The following ARHGAP15 variants were observed in gnomAD, a reference collection of about 807,000 sequenced individuals.
The protein encoded by ARHGAP15 is rho GTPase-activating protein 15.
Under a neutral mutation model 63.7 loss-of-function variants are expected in ARHGAP15, and 51 were observed. The observed-to-expected ratio is 0.80, with a 90% CI of 0.64 to 1.01. ARHGAP15 has a LOEUF of 1.01. Among genes scored for constraint, ARHGAP15 ranks in the 50% least tolerant of loss-of-function variants. ARHGAP15 has a pLI of 0.00. For synonymous variants in ARHGAP15, 191 were observed against 193.8 expected (o/e 0.99, Z 0.12); for missense variants, 560 against 564.6 (o/e 0.99, Z 0.08).
intron 6 of ARHGAP15, among the ~76,000 whole-genome samples, chr2:143,387,157 G>C (rs1306311180): frequency 6.6e-6 from 1 of 151,720 alleles, no homozygotes; most frequent in Non-Finnish European, 1.5e-5. Flanking sequence ...TAAACTAAAA[G>C]TTAAAAAAAT....
In ARHGAP15 at chr2:143,278,019, TTA is replaced by T. The variant is rs1337120769; in HGVS notation, c.474+27423_474+27424del. ...TCCCTCCAGGTTGTATTTGTTACAT[TTA>T]TATTTTTTAAAATCCCATATTTATA... On this transcript the variant is annotated intron_variant, in intron 6 of 13. Transcript: ENST00000295095. Among the ~76,000 whole-genome samples the T allele has an allele frequency of 4.6e-5, 7 of 152,302 alleles. No individual in the cohort carries two copies. In the East Asian group the frequency reaches 1.4e-3, roughly 29 times the overall value.
At chr2:143,729,323 C>A (rs1685427421) in intron 13 of ARHGAP15, among the ~76,000 whole-genome samples, 1 of 152,176 alleles carries the variant, frequency 6.6e-6, no homozygotes, top group South Asian at 2.1e-4. Context: ...ATCAATCAGG[C>A]TCTGCTTGTT....
At chr2:143,193,183 T>A (rs1691745612) in intron 2 of ARHGAP15, among the ~76,000 whole-genome samples, 1 of 152,050 alleles carries the variant, frequency 6.6e-6, no homozygotes, top group African/African-American at 2.4e-5. Context: ...AGAAAAAAAA[T>A]TGTCACTTGT....
At chr2:143,627,480 C>T (rs936492479) in intron 12 of ARHGAP15, among the ~76,000 whole-genome samples, 16 of 152,050 alleles carry the variant, frequency 1.1e-4, no homozygotes, top group Non-Finnish European at 1.8e-4. Flanking sequence ...ATGGTAAAAA[C>T]CACACCAGAG....
intron 8 of ARHGAP15, among the ~76,000 whole-genome samples, chr2:143,462,959 A>G (rs1036963557): frequency 1.1e-4 from 17 of 152,178 alleles, no homozygotes; most frequent in Admixed American, 2.0e-4. Flanking sequence ...CTTAGGGAAT[A>G]TCTAAACCAG....
chr2:143,386,250 G>GT (rs1485709272), intron 6 of ARHGAP15, among the ~76,000 whole-genome samples: 1 of 151,962 alleles, frequency 6.6e-6, no homozygotes, highest in African/African-American at 2.4e-5. Context: ...ATGGCCATGG[G>GT]TTTTTCCAAG....
intron 6 of ARHGAP15, among the ~76,000 whole-genome samples, chr2:143,310,871 T>C (rs566448679): frequency 7.9e-5 from 12 of 152,142 alleles, no homozygotes; most frequent in African/African-American, 2.9e-4. Flanking sequence ...GGATATAGAA[T>C]TTTGGAACTA....
chr2:143,574,889 G>C (rs1161814732), intron 11 of ARHGAP15, among the ~76,000 whole-genome samples: 1 of 152,120 alleles, frequency 6.6e-6, no homozygotes, highest in South Asian at 2.1e-4. Flanking sequence ...GATAAAATGT[G>C]TTACCTTACG....
intron 6 of ARHGAP15, among the ~76,000 whole-genome samples, chr2:143,322,492 T>C (rs1341891985): frequency 6.6e-6 from 1 of 152,212 alleles, no homozygotes; most frequent in Non-Finnish European, 1.5e-5. Flanking sequence ...AATGCCATGA[T>C]GGATTTCCTA....
intron 6 of ARHGAP15, among the ~76,000 whole-genome samples, chr2:143,250,810 T>C (rs1680122631): frequency 6.6e-6 from 1 of 152,078 alleles, no homozygotes; most frequent in Non-Finnish European, 1.5e-5. Flanking sequence ...ACAAAATGTA[T>C]GTTGCACGTT....
At chr2:143,613,839 C>T (rs1209838541) in intron 11 of ARHGAP15, among the ~76,000 whole-genome samples, 1 of 152,180 alleles carries the variant, frequency 6.6e-6, no homozygotes, top group Non-Finnish European at 1.5e-5. Context: ...CACACCACCC[C>T]TCTTCTATAC....
intron 5 of ARHGAP15, among the ~76,000 whole-genome samples, chr2:143,242,512 T>C (rs1290574152): frequency 2.6e-5 from 4 of 152,244 alleles, no homozygotes; most frequent in Non-Finnish European, 5.9e-5. Context: ...CAATAGGTGC[T>C]CATTTCTTGA....
chr2:143,587,583 C>A, intron 11 of ARHGAP15: 1 of 332,498 alleles, frequency 3.0e-6, no homozygotes, highest in Non-Finnish European at 6.3e-6. Context: ...TCAAACAAAT[C>A]AAATATATTA....
chr2:143,412,822 T>C (rs1688501178), intron 6 of ARHGAP15, among the ~76,000 whole-genome samples: 1 of 152,182 alleles, frequency 6.6e-6, no homozygotes, highest in African/African-American at 2.4e-5. Context: ...CCTTTTCTTA[T>C]ATCTTATGCT....
intron 6 of ARHGAP15, among the ~76,000 whole-genome samples, chr2:143,374,333 C>T (rs1353487242): frequency 2.6e-5 from 4 of 152,134 alleles, no homozygotes; most frequent in African/African-American, 4.8e-5. Flanking sequence ...TTAGTAGCTG[C>T]TTATTCTCGC....
chr2:143,205,415 A>G (rs1692293990), intron 3 of ARHGAP15, among the ~76,000 whole-genome samples: 1 of 152,150 alleles, frequency 6.6e-6, no homozygotes, highest in African/African-American at 2.4e-5. Context: ...TCACTCCATT[A>G]GAATTTTAGT....
chr2:143,133,984 A>G (rs1246438337), intron 1 of ARHGAP15, among the ~76,000 whole-genome samples: 2 of 152,184 alleles, frequency 1.3e-5, no homozygotes, highest in Admixed American at 6.5e-5. Flanking sequence ...TTACAGCTGT[A>G]TACTATTCCA....
chr2:143,187,514 A>G (rs556261481), intron 2 of ARHGAP15, among the ~76,000 whole-genome samples: 14 of 152,318 alleles, frequency 9.2e-5, no homozygotes, highest in African/African-American at 3.4e-4. Context: ...GTCACTTCAG[A>G]AGTATTAATC....
At chr2:143,722,396 T>G (rs1350124739) in intron 13 of ARHGAP15, among the ~76,000 whole-genome samples, 1 of 152,028 alleles carries the variant, frequency 6.6e-6, no homozygotes, top group African/African-American at 2.4e-5. Context: ...CCTTCAAAAT[T>G]TATCATTTGA....
Sources: gnomAD v4.1 joint callset for allele counts (sites outside exome capture counted in the v4.1 genomes callset) on GRCh38, gnomAD v4.1.1 for gene constraint, MANE v1.5 for transcripts, NCBI Gene and HGNC (gene_info 2026-07-23, HGNC 2026-07-21) for gene names.